SPATS2L: variants seen among roughly 807,000 people sequenced by gnomAD.
The protein encoded by SPATS2L is SPATS2-like protein.
Under a neutral mutation model 59.6 loss-of-function variants are expected in SPATS2L, and 30 were observed. That is an observed-to-expected ratio of 0.50 (90% CI 0.38 to 0.68). The LOEUF (loss-of-function observed/expected upper bound fraction) is 0.68. Among genes scored for constraint, SPATS2L ranks in the 30% least tolerant of loss-of-function variants. SPATS2L has a pLI of 0.00. For synonymous variants in SPATS2L, 252 were observed against 263.5 expected (o/e 0.96, Z 0.42); for missense variants, 615 against 700.0 (o/e 0.88, Z 1.37).
intron 4 of SPATS2L, 147 bp from the exon 5 acceptor site, chr2:200,416,232 A>T: frequency 2.6e-6 from 1 of 385,338 alleles, no homozygotes; most frequent in East Asian, 3.7e-5. Context: ...TGAAACTGGC[A>T]TTTTTATTAA....
At chr2:200,442,088 C>T (rs1239766195) in intron 8 of SPATS2L, among the ~76,000 whole-genome samples, 2 of 152,084 alleles carry the variant, frequency 1.3e-5, no homozygotes, top group Non-Finnish European at 2.9e-5. Context: ...GATTCATCTA[C>T]CTCCCCCCAA....
At chr2:200,428,212 ATCTC>A (rs2083698241) in intron 6 of SPATS2L, among the ~76,000 whole-genome samples, 1 of 152,134 alleles carries the variant, frequency 6.6e-6, no homozygotes, top group Admixed American at 6.5e-5. Context: ...TTTCAGCCCC[ATCTC>A]TCCAAATAAA....
chr2:200,389,899 A>G (rs987375205), intron 3 of SPATS2L: 5 of 152,374 alleles, frequency 3.3e-5, no homozygotes, highest in Non-Finnish European at 7.3e-5. Context: ...AGAATCCCTC[A>G]CTTGCCACAT....
intron 1 of SPATS2L, among the ~76,000 whole-genome samples, chr2:200,326,457 G>T (rs114310543): frequency 0.03 from 4,521 of 152,196 alleles, 74 homozygotes; most frequent in Middle Eastern, 0.078. Context: ...AATTTCAATC[G>T]TTTTTCTCTC....
At chr2:200,384,494 C>T (rs1056470025) in intron 2 of SPATS2L, among the ~76,000 whole-genome samples, 2 of 152,216 alleles carry the variant, frequency 1.3e-5, no homozygotes, top group African/African-American at 2.4e-5. Flanking sequence ...GCTGGGACTA[C>T]AGGCGCATGC....
chr2:200,420,423 T>C (rs1314313214), intron 6 of SPATS2L, among the ~76,000 whole-genome samples: 1 of 152,224 alleles, frequency 6.6e-6, no homozygotes, highest in African/African-American at 2.4e-5. Context: ...TTATAATGAA[T>C]CACTTTGCAA....
At position 200,419,408 on chromosome 2, in the gene SPATS2L, T is replaced by C. The variant is rs1336858910; in HGVS notation, c.357T>C (p.Asp119=). ...NGCEKDSSST[D]SANEKPALIP... is the part of the protein sequence containing the mutation. ...GCGAGAAGGACAGCTCGTCCACAGA[T>C]TCTGCTAACGAAAAACCAGCCCTTA... is the stretch of plus-strand genomic sequence containing the variant. Residue 119 remains aspartate (D), a synonymous_variant, in exon 6 of 13, where the codon GAT becomes GAC. Coordinates refer to ENST00000409140, the MANE Select transcript of SPATS2L (RefSeq NM_001100423.2). 1.2e-6 allele frequency: 2 copies of C among 1,613,626 alleles called. No individual in the cohort carries two copies. The highest frequency in any genetic ancestry group is 1.3e-5 in the African/African-American group (1 of 74,930).
intron 6 of SPATS2L, among the ~76,000 whole-genome samples, chr2:200,426,367 A>G (rs2083582483): frequency 1.3e-5 from 2 of 152,094 alleles, no homozygotes; most frequent in South Asian, 4.1e-4. Context: ...TTGTTATTAA[A>G]GATCTAATAC....
intron 4 of SPATS2L, among the ~76,000 whole-genome samples, chr2:200,415,438 A>G (rs910911748): frequency 1.3e-5 from 2 of 152,170 alleles, no homozygotes; most frequent in Non-Finnish European, 2.9e-5. Flanking sequence ...TTTAGATTGT[A>G]TGAGAATTTT....
chr2:200,311,606 A>G (rs2079193806), intron 1 of SPATS2L, among the ~76,000 whole-genome samples: 2 of 152,232 alleles, frequency 1.3e-5, no homozygotes, highest in Non-Finnish European at 1.5e-5. Context: ...GCATCCCTGT[A>G]AATTAGAAAA....
intron 1 of SPATS2L, among the ~76,000 whole-genome samples, chr2:200,307,364 C>G (rs888950036): frequency 6.6e-6 from 1 of 151,822 alleles, no homozygotes; most frequent in Non-Finnish European, 1.5e-5. Flanking sequence ...CTCTCTGGCC[C>G]GGAGCCGCAA....
Position 200,426,681 on chromosome 2 carries a change from C to T in SPATS2L, c.445+7185C>T, listed in dbSNP as rs761439747. 3.7e-4 allele frequency among the ~76,000 whole-genome samples: 56 copies of T among 152,288 alleles called. No homozygotes were observed. In the Middle Eastern group the frequency reaches 0.014, roughly 37 times the overall value. On this transcript the variant is annotated intron_variant, in intron 6 of 12. Transcript: ENST00000409140. The stretch of plus-strand genomic sequence containing the variant: ...GGTCAAGGCTGCAGTAAGCCATGAT[C>T]ACACCACTGTACCCCAGCCTGCGCA...
intron 6 of SPATS2L, among the ~76,000 whole-genome samples, chr2:200,435,534 C>T (rs529634708): frequency 6.6e-6 from 1 of 151,980 alleles, no homozygotes; most frequent in Admixed American, 6.6e-5. Context: ...CTGGAAGGGC[C>T]GTAGGCATGC....
Position 200,472,884 on chromosome 2 carries a change from G to A in SPATS2L, c.1113G>A (p.Leu371=). ...CAAGAACTCCCTGCAGCTCCCTGCTGCCTCTGCTGAATGCGCACGCAGCAA... is the reference window on the plus strand; with the variant it reads ...CAAGAACTCCCTGCAGCTCCCTGCTACCTCTGCTGAATGCGCACGCAGCAA... ...YSSRTPCSSL[L]PLLNAHAATS... Residue 371 remains leucine, a synonymous_variant, in exon 12 of 13, where the codon CTG becomes CTA. Coordinates refer to ENST00000409140, the MANE Select transcript of SPATS2L (RefSeq NM_001100423.2). 6.2e-7 allele frequency: 1 copy of A among 1,613,926 alleles called. No individual in the cohort carries two copies. The highest frequency in any genetic ancestry group is 2.2e-5 in the East Asian group (1 of 44,866).
At chr2:200,396,167 C>T (rs1373413613) in intron 3 of SPATS2L, among the ~76,000 whole-genome samples, 1 of 149,372 alleles carries the variant, frequency 6.7e-6, no homozygotes, top group Non-Finnish European at 1.5e-5. Context: ...ATAGCTATTG[C>T]TGAGCCTACA....
chr2:200,475,015 T>C (rs547598258), intron 12 of SPATS2L, among the ~76,000 whole-genome samples: 1 of 152,164 alleles, frequency 6.6e-6, no homozygotes, highest in Non-Finnish European at 1.5e-5. Flanking sequence ...CCAAGCCTGC[T>C]CACAGGATCT....
intron 6 of SPATS2L, among the ~76,000 whole-genome samples, chr2:200,438,092 T>C (rs566953152): frequency 1.3e-4 from 20 of 152,070 alleles, no homozygotes; most frequent in Non-Finnish European, 1.8e-4. Context: ...CGTGGTACCA[T>C]GGTTTTAAGT....
chr2:200,400,784 C>A (rs1206347860), intron 3 of SPATS2L, among the ~76,000 whole-genome samples: 1 of 152,108 alleles, frequency 6.6e-6, no homozygotes, highest in African/African-American at 2.4e-5. Context: ...TATCAATTTT[C>A]ATTTAGTATT....
At chr2:200,351,651 A>G (rs2080732327) in intron 2 of SPATS2L, among the ~76,000 whole-genome samples, 1 of 152,156 alleles carries the variant, frequency 6.6e-6, no homozygotes, top group Non-Finnish European at 1.5e-5. Context: ...AAACTGAAGG[A>G]TGGGGCATAA....
Sources: gnomAD v4.1 joint callset for allele counts (sites outside exome capture counted in the v4.1 genomes callset) on GRCh38, gnomAD v4.1.1 for gene constraint, MANE v1.5 for transcripts, NCBI Gene and HGNC (gene_info 2026-07-23, HGNC 2026-07-21) for gene names.